SCEL: variants seen among roughly 807,000 people sequenced by gnomAD.
SCEL encodes sciellin.
Under a neutral mutation model 117.6 loss-of-function variants are expected in SCEL, and 113 were observed. That is an observed-to-expected ratio of 0.96 (90% confidence interval 0.83 to 1.12). SCEL has a LOEUF of 1.12. SCEL is among the 50% of genes most tolerant of loss of function. The pLI is 0.00. For missense variants in SCEL, 785 were observed against 810.8 expected (o/e 0.97, Z 0.39); for synonymous variants, 270 against 256.2 (o/e 1.05, Z -0.51).
intron 1 of SCEL, among the ~76,000 whole-genome samples, chr13:77,549,182 T>A (rs9600893): frequency 6.6e-6 from 1 of 152,178 alleles, no homozygotes; most frequent in African/African-American, 2.4e-5. Context: ...CCACCAACAG[T>A]GTATGAGAGT....
intron 29 of SCEL, among the ~76,000 whole-genome samples, chr13:77,636,813 C>A (rs1000588041): frequency 1.6e-4 from 25 of 152,078 alleles, no homozygotes; most frequent in Non-Finnish European, 4.4e-5. Flanking sequence ...TTCTGTGTAG[C>A]TTTCTTTAGT....
At chr13:77,612,106 C>T (rs1567417490) in intron 22 of SCEL, among the ~76,000 whole-genome samples, 1 of 152,022 alleles carries the variant, frequency 6.6e-6, no homozygotes, top group Non-Finnish European at 1.5e-5. Context: ...TAGATTAGTC[C>T]TAAAGATTAG....
At chr13:77,573,122 T>C (rs550524053) in intron 9 of SCEL, among the ~76,000 whole-genome samples, 78 of 152,352 alleles carry the variant, frequency 5.1e-4, no homozygotes, top group Non-Finnish European at 1.0e-3. Flanking sequence ...ACAATTTCCA[T>C]GCTAGGAATG....
At chr13:77,581,474 A>C (rs1235070055) in intron 9 of SCEL, among the ~76,000 whole-genome samples, 3 of 152,210 alleles carry the variant, frequency 2.0e-5, no homozygotes, top group Non-Finnish European at 4.4e-5. Flanking sequence ...AATGCAAAGC[A>C]TCGCTGCTTT....
At chr13:77,562,685 AT>A (rs2154396601) in intron 4 of SCEL, among the ~76,000 whole-genome samples, 1 of 151,954 alleles carries the variant, frequency 6.6e-6, no homozygotes, top group East Asian at 1.9e-4. Context: ...AGCTATAGTT[AT>A]TTTATTCTAG....
At chr13:77,611,266 T>A (rs1159525887) in intron 22 of SCEL, among the ~76,000 whole-genome samples, 1 of 152,212 alleles carries the variant, frequency 6.6e-6, no homozygotes, top group African/African-American at 2.4e-5. Context: ...TCAATAAAAC[T>A]TTATTTACAA....
rs1200280677 is a variant in SCEL, at chr13:77,567,699, G to T, written c.310G>T (p.Ala104Ser). The change falls in exon 6 of 33, where the codon GCT becomes TCT. Residue 104 changes from alanine to serine, a missense_variant. Coordinates refer to ENST00000349847, the MANE Select transcript of SCEL (RefSeq NM_144777.3). ...ATAAAGGATCTCAGACAGAAATGAT[G>T]CTGCTAAAACATATAAGGCCAATAC... ...TLDRISDRND[A>S]AKTYKANTLD... The T allele has an allele frequency of 1.9e-6, 3 of 1,608,088 alleles. No individual in the cohort carries two copies. The highest frequency in any genetic ancestry group is 4.5e-5 in the East Asian group (2 of 44,700).
At chr13:77,642,996 G>A (rs571414303) in intron 32 of SCEL, among the ~76,000 whole-genome samples, 188 bp downstream of exon 32, 5 of 152,080 alleles carry the variant, frequency 3.3e-5, no homozygotes, top group African/African-American at 1.2e-4. Flanking sequence ...CTTTTGTATT[G>A]TCTTCTGGTA....
At chr13:77,633,979 G>A (rs902995533) in intron 28 of SCEL, among the ~76,000 whole-genome samples, 30 of 152,204 alleles carry the variant, frequency 2.0e-4, no homozygotes, top group African/African-American at 5.5e-4. Context: ...CATTAAATCA[G>A]ATATTGTCAT....
intron 9 of SCEL, among the ~76,000 whole-genome samples, chr13:77,573,687 A>G (rs939430345): frequency 6.0e-5 from 9 of 149,504 alleles, no homozygotes; most frequent in South Asian, 4.2e-4. Context: ...CTATCTGTCT[A>G]TCTATCTAAT....
At chr13:77,608,493 G>A (rs1326945231) in intron 20 of SCEL, among the ~76,000 whole-genome samples, 2 of 152,090 alleles carry the variant, frequency 1.3e-5, no homozygotes, top group Admixed American at 1.3e-4. Context: ...CCAGCTACTT[G>A]GGAGGCTGCG....
rs142908408 is a variant in SCEL at position 77,566,633 on chromosome 13, C to T, written c.291-1047C>T. Among the ~76,000 whole-genome samples the T allele has an allele frequency of 9.1e-3, 1,388 of 152,266 alleles. 28 individuals carry two copies. The highest frequency in any genetic ancestry group is 0.031 in the African/African-American group (1,283 of 41,564). On this transcript the variant is annotated intron_variant, in intron 5 of 32. Coordinates refer to ENST00000349847, the MANE Select transcript of SCEL (RefSeq NM_144777.3). ...GAGTAACTTTTTAACAAATCTGCTT[C>T]CTCTCTTCCAAATCTAATGGTTTAA...
chr13:77,593,369 C>G (rs937097979), intron 11 of SCEL, 145 bp from the exon 12 acceptor site: 1 of 481,104 alleles, frequency 2.1e-6, no homozygotes, highest in Non-Finnish European at 3.8e-6. Flanking sequence ...CATAATAGAA[C>G]CATTTTGTCA....
intron 4 of SCEL, 124 bp from the exon 5 acceptor site, chr13:77,563,707 T>C (rs1485684298): frequency 1.1e-5 from 7 of 626,194 alleles, no homozygotes; most frequent in Non-Finnish European, 1.8e-5. Context: ...CTATCTTTCC[T>C]TGGTAACATG....
At chr13:77,631,257 C>T (rs1172192551) in intron 28 of SCEL, among the ~76,000 whole-genome samples, 3 of 152,168 alleles carry the variant, frequency 2.0e-5, no homozygotes, top group African/African-American at 7.2e-5. Flanking sequence ...AACTCTATTC[C>T]TATGGTTCTA....
intron 8 of SCEL, among the ~76,000 whole-genome samples, chr13:77,569,758 G>A (rs184391097): frequency 6.6e-6 from 1 of 152,296 alleles, no homozygotes; most frequent in Non-Finnish European, 1.5e-5. Flanking sequence ...TGAATGTAGG[G>A]CCACATGCTG....
chr13:77,569,440 A>G lies in SCEL; in HGVS notation c.468A>G (p.Val156=), dbSNP rs371062214. ...TIASTSATTP[V]KKKRQSWFPP... ...CATCCACTTCTGCTACTACTCCTGT[A>G]AAGAAGAAGAGGTAGGATGAACTCA... The change falls in exon 8 of 33, where the codon GTA becomes GTG. Residue 156 remains valine (V), a synonymous_variant. Transcript: ENST00000349847. The G allele has an allele frequency of 5.0e-6, 8 of 1,612,920 alleles. No individual in the cohort carries two copies. The highest frequency in any genetic ancestry group is 6.8e-6 in the Non-Finnish European group (8 of 1,178,950).
intron 17 of SCEL, 66 bp from the exon 18 acceptor site, chr13:77,603,010 C>T (rs2087830034): frequency 1.1e-6 from 1 of 873,350 alleles, no homozygotes; most frequent in Non-Finnish European, 1.7e-6. Flanking sequence ...ATTGGGAATA[C>T]AGAAGATGTA....
At chr13:77,574,710 C>A (rs2085835598) in intron 9 of SCEL, among the ~76,000 whole-genome samples, 2 of 152,090 alleles carry the variant, frequency 1.3e-5, no homozygotes, top group Admixed American at 1.3e-4. Context: ...AAAGGCTTCA[C>A]AAAGATATCT....
Sources: allele counts gnomAD v4.1 joint callset (sites outside exome capture counted in the v4.1 genomes callset), GRCh38; gene constraint gnomAD v4.1.1; transcripts MANE v1.5; gene names NCBI Gene and HGNC (gene_info 2026-07-23, HGNC 2026-07-21).